The following DNM3 variants were observed in gnomAD, a reference collection of about 807,000 sequenced individuals.
DNM3 encodes the protein dynamin-3.
Under a neutral mutation model 101.6 loss-of-function variants are expected in DNM3, and 47 were observed. That is an observed-to-expected ratio of 0.46 (90% CI 0.37 to 0.59). The LOEUF (loss-of-function observed/expected upper bound fraction) is 0.59, where lower values mean the gene tolerates loss of function less well. DNM3 is among the 20% of genes least tolerant of loss of function. The probability of loss-of-function intolerance (pLI) is 0.00; values close to 1 mark genes in which losing one functional copy is unlikely to be tolerated. For missense variants in DNM3, 849 were observed against 1,085.7 expected, an observed-to-expected ratio of 0.78 and a Z score of 3.06; for synonymous variants, 385 against 387.9, an observed-to-expected ratio of 0.99 and a Z score of 0.09.
intron 14 of DNM3, among the ~76,000 whole-genome samples, chr1:172,247,664 T>C (rs914998139): frequency 1.8e-3 from 276 of 149,530 alleles, no homozygotes; most frequent in Admixed American, 3.1e-3. Context: ...TTCTTATTTA[T>C]TTATTTATTT....
chr1:171,841,957 G>A, intron 1 of DNM3, 140 bp downstream of exon 1: 1 of 717,644 alleles, frequency 1.4e-6, no homozygotes, highest in Non-Finnish European at 2.0e-6. Flanking sequence ...TGGAATGGGG[G>A]GCAGAGTGGC....
intron 17 of DNM3, among the ~76,000 whole-genome samples, chr1:172,334,376 A>G (rs990435698): frequency 6.6e-6 from 1 of 152,154 alleles, no homozygotes; most frequent in Non-Finnish European, 1.5e-5. Context: ...CAGAATGGGA[A>G]GTTACAACTG....
chr1:171,896,917 A>T (rs1171539694), intron 1 of DNM3, among the ~76,000 whole-genome samples: 5 of 152,142 alleles, frequency 3.3e-5, no homozygotes, highest in Non-Finnish European at 2.9e-5. Context: ...TTGCTTTCTA[A>T]AGGGAAAAAT....
At chr1:171,883,940 A>G (rs2036544396) in intron 1 of DNM3, among the ~76,000 whole-genome samples, 1 of 152,180 alleles carries the variant, frequency 6.6e-6, no homozygotes, top group South Asian at 2.1e-4. Flanking sequence ...TTGCTTTCCC[A>G]TAATGTATCG....
chr1:172,346,569 G>T (rs1009994433), intron 17 of DNM3, among the ~76,000 whole-genome samples: 1 of 152,074 alleles, frequency 6.6e-6, no homozygotes, highest in African/African-American at 2.4e-5. Flanking sequence ...TGTTGCAATA[G>T]GTAATAAATG....
rs1423851779 is a variant in DNM3, at chr1:172,409,367, G to A, written c.*1526G>A. 3 of 985,038 alleles carry A rather than the reference G, an allele frequency of 3.0e-6. No homozygotes were observed. The highest frequency in any genetic ancestry group is 3.6e-6 in the Non-Finnish European group (3 of 829,720). The allele number at this position is 985,038 out of a possible 1,614,324, so 61.0% of individuals were successfully genotyped here. On this transcript the variant is annotated 3_prime_UTR_variant, in exon 21 of 21. Transcript: ENST00000627582. ...TACACCCAGAGCAGATACTCATAAA[G>A]TATAAAGTAAAAACTTTTAACCATT...
At chr1:172,100,942 A>G (rs1260923605) in intron 13 of DNM3, among the ~76,000 whole-genome samples, 1 of 152,190 alleles carries the variant, frequency 6.6e-6, no homozygotes, top group Non-Finnish European at 1.5e-5. Context: ...AAAACCTTCT[A>G]AGGTTCAGTC....
intron 1 of DNM3, among the ~76,000 whole-genome samples, chr1:171,843,326 A>G (rs7514627): frequency 0.61 from 93,034 of 152,002 alleles, 28,818 homozygotes; most frequent in East Asian, 0.8. Context: ...CATTTTGCCT[A>G]CGTCATCTTA....
chr1:172,276,667 T>C (rs937489942), intron 15 of DNM3, among the ~76,000 whole-genome samples: 1 of 151,704 alleles, frequency 6.6e-6, no homozygotes, highest in African/African-American at 2.4e-5. Context: ...TACCACTGTT[T>C]ATTATTGATA....
At chr1:172,316,728 G>T (rs577090207) in intron 16 of DNM3, among the ~76,000 whole-genome samples, 3 of 152,156 alleles carry the variant, frequency 2.0e-5, no homozygotes, top group Non-Finnish European at 2.9e-5. Context: ...GGAGCACCCA[G>T]ATTCATAAAG....
In DNM3 at chr1:171,903,885, C is replaced by T. The variant is rs1180499240; in HGVS notation, c.162-17863C>T. Among the ~76,000 whole-genome samples the T allele has an allele frequency of 1.3e-5, 2 of 152,166 alleles. 1 individual carries two copies. The highest frequency in any genetic ancestry group is 2.9e-5 in the Non-Finnish European group (2 of 68,036). ...TGTTCTATTATAGCCAAGATAATCA[C>T]AGAGCTAGAATTCATTCTCTACTAT... On this transcript the variant is annotated intron_variant, in intron 1 of 20. Transcript: ENST00000627582.
chr1:172,207,046 G>A (rs1221922786), intron 14 of DNM3, among the ~76,000 whole-genome samples: 2 of 151,994 alleles, frequency 1.3e-5, no homozygotes, highest in Non-Finnish European at 2.9e-5. Context: ...ATTTCTTAAG[G>A]AGCAGAAGCC....
At chr1:171,892,138 G>A (rs1357324723) in intron 1 of DNM3, among the ~76,000 whole-genome samples, 1 of 151,808 alleles carries the variant, frequency 6.6e-6, no homozygotes, top group African/African-American at 2.4e-5. Context: ...TTGGTTCTAT[G>A]TCCGTTTGAC....
At chr1:171,842,353 C>T (rs1400143254) in intron 1 of DNM3, among the ~76,000 whole-genome samples, 1 of 152,116 alleles carries the variant, frequency 6.6e-6, no homozygotes, top group African/African-American at 2.4e-5. Context: ...TCTCAGCTGT[C>T]TACTGTTGCC....
At chr1:172,099,519 T>C (rs1198688363) in intron 13 of DNM3, among the ~76,000 whole-genome samples, 1 of 151,436 alleles carries the variant, frequency 6.6e-6, no homozygotes, top group African/African-American at 2.4e-5. Context: ...TCATTTGGGC[T>C]CACCTAGCTG....
At chr1:172,219,165 C>T (rs1337287038) in intron 14 of DNM3, among the ~76,000 whole-genome samples, 1 of 151,540 alleles carries the variant, frequency 6.6e-6, no homozygotes, top group African/African-American at 2.4e-5. Flanking sequence ...CCAGCCTGGG[C>T]AACATAGAAA....
At chr1:171,901,326 G>T (rs1365082819) in intron 1 of DNM3, among the ~76,000 whole-genome samples, 1 of 152,078 alleles carries the variant, frequency 6.6e-6, no homozygotes. Flanking sequence ...AGCACGGAGA[G>T]ACAAGAGGTG....
At chr1:171,971,440 C>A (rs1360910425) in intron 2 of DNM3, among the ~76,000 whole-genome samples, 3 of 152,048 alleles carry the variant, frequency 2.0e-5, no homozygotes, top group Non-Finnish European at 4.4e-5. Context: ...TTATTTAAAT[C>A]TTTTGCTTAA....
intron 1 of DNM3, among the ~76,000 whole-genome samples, chr1:171,865,273 T>G (rs970832715): frequency 1.3e-5 from 2 of 151,886 alleles, no homozygotes; most frequent in African/African-American, 4.8e-5. Context: ...CCCAGCACTC[T>G]GGGAGGCTGA....
Sources: allele counts gnomAD v4.1 joint callset (sites outside exome capture counted in the v4.1 genomes callset), GRCh38; gene constraint gnomAD v4.1.1; transcripts MANE v1.5; gene names NCBI Gene and HGNC (gene_info 2026-07-23, HGNC 2026-07-21).